Variants in NRG3 observed in about 807,000 individuals in gnomAD.
NRG3 encodes the protein pro-neuregulin-3, membrane-bound isoform.
In NRG3, 31 loss-of-function variants were observed where a neutral mutation model predicts 66.9. The observed-to-expected ratio is 0.46, with a 90% CI of 0.35 to 0.63. The LOEUF is 0.63. Among genes scored for constraint, NRG3 ranks in the 20% least tolerant of loss-of-function variants. The pLI, the probability that NRG3 is intolerant of heterozygous loss-of-function variation, is 0.00. For synonymous variants in NRG3, 393 were observed against 359.4 expected (o/e 1.09, Z -1.06); for missense variants, 910 against 878.9 (o/e 1.04, Z -0.45).
intron 2 of NRG3, among the ~76,000 whole-genome samples, chr10:82,643,369 T>A (rs866281147): frequency 9.2e-5 from 14 of 152,118 alleles, no homozygotes; most frequent in Admixed American, 5.2e-4. Flanking sequence ...ATTTAAGATG[T>A]GACTTGCTCC....
rs535110487 is a variant in NRG3, at chr10:82,480,749, A to C, written c.953+121881A>C. ...ACTAAGCCAAACCTATTAGCACTTA[A>C]AGCTTCTGCACAGATATACCCTGTT... On this transcript the variant is annotated intron_variant, in intron 2 of 8. Transcript: ENST00000372141. Among the ~76,000 whole-genome samples the C allele has an allele frequency of 2.5e-4, 38 of 152,294 alleles. No homozygotes were observed. In the South Asian group the frequency reaches 6.8e-3, roughly 27 times the overall value.
At chr10:82,342,434 T>G (rs1325584272) in intron 1 of NRG3, among the ~76,000 whole-genome samples, 1 of 152,044 alleles carries the variant, frequency 6.6e-6, no homozygotes, top group Non-Finnish European at 1.5e-5. Flanking sequence ...ATATCTGTTG[T>G]TTTTTGACTT....
chr10:81,931,818 G>T (rs1424161217), intron 1 of NRG3, among the ~76,000 whole-genome samples: 1 of 152,066 alleles, frequency 6.6e-6, no homozygotes, highest in Non-Finnish European at 1.5e-5. Context: ...TGTTTATTCT[G>T]CATGCACTTT....
intron 2 of NRG3, among the ~76,000 whole-genome samples, chr10:82,630,981 T>C (rs1010119586): frequency 6.6e-6 from 1 of 152,202 alleles, no homozygotes; most frequent in African/African-American, 2.4e-5. Context: ...ATTAAAGTTT[T>C]AATATACAAT....
At chr10:82,875,170 A>G (rs996558445) in intron 4 of NRG3, among the ~76,000 whole-genome samples, 2 of 152,158 alleles carry the variant, frequency 1.3e-5, no homozygotes, top group African/African-American at 4.8e-5. Context: ...GGGTGGTTCT[A>G]CTGTACATGC....
intron 2 of NRG3, among the ~76,000 whole-genome samples, chr10:82,695,776 A>C (rs1213509487): frequency 1.3e-5 from 2 of 151,800 alleles, no homozygotes; most frequent in African/African-American, 4.8e-5. Context: ...ATTTTTTCTG[A>C]CTCCTCCCAG....
intron 2 of NRG3, among the ~76,000 whole-genome samples, chr10:82,666,554 C>T (rs1256808072): frequency 6.6e-6 from 1 of 152,216 alleles, no homozygotes; most frequent in African/African-American, 2.4e-5. Flanking sequence ...TCAGATCCAT[C>T]CATTTCACTT....
At chr10:82,667,026 G>T (rs993924209) in intron 2 of NRG3, among the ~76,000 whole-genome samples, 2 of 152,184 alleles carry the variant, frequency 1.3e-5, no homozygotes, top group East Asian at 1.9e-4. Context: ...CCTGATTTAA[G>T]TTGAAAGAAG....
Position 82,472,573 on chromosome 10 carries a change from T to G in NRG3, c.953+113705T>G, listed in dbSNP as rs1257519258. ...GGCAATTCCCCTTCGGGTATCCCTGTCCAAATAATGTGCATTTCTACTTGA... is the reference window on the plus strand; with the variant it reads ...GGCAATTCCCCTTCGGGTATCCCTGGCCAAATAATGTGCATTTCTACTTGA... On this transcript the variant is annotated intron_variant, in intron 2 of 8. Coordinates refer to ENST00000372141, the MANE Select transcript of NRG3 (RefSeq NM_001010848.4). Among the ~76,000 whole-genome samples, 9 of 152,348 alleles carry G rather than the reference T, an allele frequency of 5.9e-5. No homozygotes were observed. In the East Asian group the frequency reaches 1.7e-3, roughly 29 times the overall value.
intron 1 of NRG3, among the ~76,000 whole-genome samples, chr10:81,971,717 C>T (rs1263194770): frequency 1.3e-5 from 2 of 152,242 alleles, no homozygotes; most frequent in Non-Finnish European, 2.9e-5. Flanking sequence ...GAGGAGAACC[C>T]AGGTGGAGCC....
chr10:81,891,241 T>C (rs1019174917), intron 1 of NRG3, among the ~76,000 whole-genome samples: 1 of 152,182 alleles, frequency 6.6e-6, no homozygotes, highest in South Asian at 2.1e-4. Flanking sequence ...TTTGTTGTCA[T>C]GTGCCGTGGG....
chr10:82,592,257 A>G (rs918768459), intron 2 of NRG3, among the ~76,000 whole-genome samples: 6 of 152,172 alleles, frequency 3.9e-5, no homozygotes, highest in African/African-American at 1.4e-4. Flanking sequence ...ATTCTGGATG[A>G]TGTCAGTTTT....
At chr10:81,999,350 A>G (rs1287403958) in intron 1 of NRG3, among the ~76,000 whole-genome samples, 1 of 152,200 alleles carries the variant, frequency 6.6e-6, no homozygotes, top group Non-Finnish European at 1.5e-5. Context: ...AAATCATTGA[A>G]AGAAGTACGT....
At position 82,046,147 on chromosome 10, in the gene NRG3, A is replaced by T. The variant is rs866355996; in HGVS notation, c.823+169984A>T. Among the ~76,000 whole-genome samples, 459 of 148,098 alleles carry T rather than the reference A, an allele frequency of 3.1e-3. 5 individuals carry two copies. Among genetic ancestry groups the T allele is most frequent in the Admixed American group, 0.018 (263 of 14,680 alleles). On this transcript the variant is annotated intron_variant, in intron 1 of 8. Transcript: ENST00000372141. ...TATGGGGATGGCATTGAATCTATAA[A>T]TTACCTTGGGCAGCATGGCCATTTT...
chr10:82,318,660 A>G (rs955844851), intron 1 of NRG3, among the ~76,000 whole-genome samples: 1 of 152,192 alleles, frequency 6.6e-6, no homozygotes, highest in African/African-American at 2.4e-5. Context: ...AGAGTCTTTC[A>G]GACAGATCCA....
intron 1 of NRG3, 106 bp from the exon 2 acceptor site, chr10:82,358,632 CA>C: frequency 6.7e-7 from 1 of 1,493,418 alleles, no homozygotes; most frequent in Non-Finnish European, 9.2e-7. Context: ...TCCCAGAGGT[CA>C]GAGCCCATGA....
intron 6 of NRG3, among the ~76,000 whole-genome samples, chr10:82,966,211 G>T (rs553814991): frequency 3.2e-4 from 48 of 152,236 alleles, no homozygotes; most frequent in African/African-American, 1.1e-3. Flanking sequence ...GATTTTTTGA[G>T]TGTTCACCTG....
chr10:82,680,722 G>A (rs2054050102), intron 2 of NRG3, among the ~76,000 whole-genome samples: 1 of 152,166 alleles, frequency 6.6e-6, no homozygotes, highest in African/African-American at 2.4e-5. Flanking sequence ...CCTGAATATG[G>A]TGAAGCTTTC....
rs1564593361 is a variant in NRG3, at chr10:82,132,481, T to TG, written c.824-226258_824-226257insG. Among the ~76,000 whole-genome samples the TG allele has an allele frequency of 1.1e-3, 8 of 7,320 alleles. 1 individual carries two copies. Among genetic ancestry groups the TG allele is most frequent in the South Asian group, 9.3e-3 (3 of 322 alleles). 4.8% of individuals were successfully genotyped at this position (7,320 alleles called of 152,430 possible). On this transcript the variant is annotated intron_variant, in intron 1 of 8. Coordinates refer to ENST00000372141, the MANE Select transcript of NRG3 (RefSeq NM_001010848.4). ...TATGATATATATGATATATATATGA[T>TG]ATATATATATGATATATATATATCA...
Sources: allele counts gnomAD v4.1 joint callset (sites outside exome capture counted in the v4.1 genomes callset), GRCh38; gene constraint gnomAD v4.1.1; transcripts MANE v1.5; gene names NCBI Gene and HGNC (gene_info 2026-07-23, HGNC 2026-07-21).